Variants in ASAP2 observed in about 807,000 individuals in gnomAD.
ASAP2 encodes the protein ArfGAP with SH3 domain, ankyrin repeat and PH domain 2.
ASAP2 carries 45 observed loss-of-function variants against 131.4 expected under a neutral mutation model. The observed-to-expected ratio is 0.34, with a 90% confidence interval of 0.27 to 0.44. ASAP2 has a LOEUF of 0.44. Ranked by LOEUF, ASAP2 falls within the 20% of genes least tolerant of loss-of-function variation. The pLI is 1.00. For synonymous variants in ASAP2, 510 were observed against 503.0 expected, an observed-to-expected ratio of 1.01 and a Z score of -0.19; for missense variants, 1,011 against 1,297.0, an observed-to-expected ratio of 0.78 and a Z score of 3.39.
At chr2:9,304,559 G>C (rs1388656712) in intron 3 of ASAP2, among the ~76,000 whole-genome samples, 1 of 151,302 alleles carries the variant, frequency 6.6e-6, no homozygotes, top group African/African-American at 2.4e-5. Context: ...CAGTTGTGGG[G>C]GTGTAGATAC....
intron 18 of ASAP2, 130 bp from the exon 19 acceptor site, chr2:9,378,813 AT>A (rs1674602491): frequency 1.8e-6 from 1 of 544,196 alleles, no homozygotes; most frequent in Non-Finnish European, 2.9e-6. Context: ...CTTGGCGATG[AT>A]TTACAGAAAC....
chr2:9,400,978 G>C, intron 26 of ASAP2, 148 bp downstream of exon 26: 1 of 867,324 alleles, frequency 1.2e-6, no homozygotes, highest in Non-Finnish European at 1.8e-6. Context: ...CTTGGATCTG[G>C]GCAGCTGGTG....
At chr2:9,294,834 T>C (rs1335782703) in intron 2 of ASAP2, among the ~76,000 whole-genome samples, 2 of 152,114 alleles carry the variant, frequency 1.3e-5, no homozygotes, top group African/African-American at 4.8e-5. Flanking sequence ...CCCTCCTTTG[T>C]CATCTCTTGA....
At chr2:9,358,638 A>G (rs1358265849) in intron 14 of ASAP2, 118 bp from the exon 15 acceptor site, 2 of 1,287,230 alleles carry the variant, frequency 1.6e-6, no homozygotes, top group Non-Finnish European at 2.1e-6. Context: ...AGCTGTGTTA[A>G]GGATCAGAAA....
At position 9,243,475 on chromosome 2, in the gene ASAP2, C is replaced by T. The variant is rs148647234; in HGVS notation, c.127-35842C>T. On this transcript the variant is annotated intron_variant, in intron 1 of 27. Coordinates refer to ENST00000281419, the MANE Select transcript of ASAP2 (RefSeq NM_003887.3). ...AATCACTGTTGTTTAGGAACTCAGACGGAAAATGTGACTGAGTCAGAGAAG... is the reference window on the plus strand; with the variant it reads ...AATCACTGTTGTTTAGGAACTCAGATGGAAAATGTGACTGAGTCAGAGAAG... Among the ~76,000 whole-genome samples, 394 of 152,214 alleles carry T rather than the reference C, an allele frequency of 2.6e-3. 3 individuals carry two copies. The highest frequency in any genetic ancestry group is 8.3e-3 in the African/African-American group (345 of 41,520).
At chr2:9,325,129 G>T (rs568629411) in intron 6 of ASAP2, among the ~76,000 whole-genome samples, 1 of 151,964 alleles carries the variant, frequency 6.6e-6, no homozygotes, top group East Asian at 1.9e-4. Flanking sequence ...AAACTTAAAG[G>T]GTTCTTATAG....
intron 4 of ASAP2, 116 bp downstream of exon 4, chr2:9,318,714 C>T: frequency 1.6e-6 from 1 of 611,662 alleles, no homozygotes; most frequent in South Asian, 2.5e-5. Context: ...GATAGGATGG[C>T]TCTTTTATCT....
At chr2:9,357,403 C>T (rs1033455604) in intron 14 of ASAP2, among the ~76,000 whole-genome samples, 2 of 152,120 alleles carry the variant, frequency 1.3e-5, no homozygotes, top group African/African-American at 4.8e-5. Flanking sequence ...CACTCGAATC[C>T]AGGTGGCAGA....
intron 20 of ASAP2, among the ~76,000 whole-genome samples, chr2:9,383,339 C>G (rs1046588367): frequency 6.6e-6 from 1 of 152,078 alleles, no homozygotes; most frequent in Non-Finnish European, 1.5e-5. Context: ...TGGACAGCCT[C>G]AAACTCCTGA....
At chr2:9,214,550 G>T (rs1661860383) in intron 1 of ASAP2, among the ~76,000 whole-genome samples, 1 of 151,766 alleles carries the variant, frequency 6.6e-6, no homozygotes. Flanking sequence ...GCCTTTCCAG[G>T]TGCTTTTATA....
intron 16 of ASAP2, among the ~76,000 whole-genome samples, chr2:9,371,819 T>TA (rs974465537): frequency 1.1e-4 from 17 of 151,630 alleles, no homozygotes; most frequent in Non-Finnish European, 1.6e-4. Context: ...AGCCTGTCAT[T>TA]AAAAAAAAGA....
At chr2:9,353,956 T>C (rs758506059) in intron 12 of ASAP2, among the ~76,000 whole-genome samples, 5 of 151,982 alleles carry the variant, frequency 3.3e-5, no homozygotes, top group African/African-American at 1.2e-4. Context: ...GCCTGGGTAA[T>C]AGAGGGAGAC....
At chr2:9,372,841 A>G (rs961144209) in intron 16 of ASAP2, among the ~76,000 whole-genome samples, 2 of 152,118 alleles carry the variant, frequency 1.3e-5, no homozygotes, top group Admixed American at 1.3e-4. Flanking sequence ...GGCCTTTGAG[A>G]CACAGCAGTT....
intron 3 of ASAP2, among the ~76,000 whole-genome samples, chr2:9,304,493 G>C (rs1668698007): frequency 6.8e-6 from 1 of 146,328 alleles, no homozygotes; most frequent in Non-Finnish European, 1.5e-5. Flanking sequence ...GGCTGTAGGG[G>C]GGGTGTAGAT....
chr2:9,401,453 C>G (rs1676662202), intron 27 of ASAP2, 57 bp downstream of exon 27: 2 of 1,588,948 alleles, frequency 1.3e-6, no homozygotes, highest in Admixed American at 1.7e-5. Flanking sequence ...CCCTGCCCAC[C>G]TGGCTGGAGA....
At chr2:9,317,562 ACT>A (rs58773472) in intron 3 of ASAP2, among the ~76,000 whole-genome samples, 58,495 of 148,776 alleles carry the variant, frequency 0.39, 11,544 homozygotes, top group Non-Finnish European at 0.42. Flanking sequence ...CCACAATCAC[ACT>A]CTCACACACC....
intron 1 of ASAP2, among the ~76,000 whole-genome samples, chr2:9,263,010 GA>G (rs1227895676): frequency 6.6e-6 from 1 of 152,232 alleles, no homozygotes; most frequent in African/African-American, 2.4e-5. Context: ...CTGGGACTGG[GA>G]AGATGTGGAA....
intron 2 of ASAP2, among the ~76,000 whole-genome samples, chr2:9,286,262 A>G (rs1644615141): frequency 6.6e-6 from 1 of 152,062 alleles, no homozygotes; most frequent in East Asian, 1.9e-4. Context: ...GCTGGGCATG[A>G]TGGTGTATGC....
intron 1 of ASAP2, among the ~76,000 whole-genome samples, chr2:9,263,899 T>C (rs1558277956): frequency 6.6e-6 from 1 of 152,152 alleles, no homozygotes; most frequent in African/African-American, 2.4e-5. Context: ...CTTTTAAAAG[T>C]ACTGCTAGAA....
Sources: gnomAD v4.1 joint callset for allele counts (sites outside exome capture counted in the v4.1 genomes callset) on GRCh38, gnomAD v4.1.1 for gene constraint, MANE v1.5 for transcripts, NCBI Gene and HGNC (gene_info 2026-07-23, HGNC 2026-07-21) for gene names.